LRRC7: variants seen among roughly 807,000 people sequenced by gnomAD.
The protein encoded by LRRC7 is leucine-rich repeat-containing protein 7.
LRRC7 carries 23 observed loss-of-function variants against 175.7 expected under a neutral mutation model. That is an observed-to-expected ratio of 0.13 (90% CI 0.09 to 0.19). LRRC7 has a LOEUF of 0.19. Ranked by LOEUF, LRRC7 falls within the 10% of genes least tolerant of loss-of-function variation. The pLI is 1.00. For synonymous variants in LRRC7, 685 were observed against 680.9 expected (o/e 1.01, Z -0.09); for missense variants, 1,354 against 1,904.7 (o/e 0.71, Z 5.38).
At chr1:69,657,882 C>T (rs1227611642) in intron 1 of LRRC7, among the ~76,000 whole-genome samples, 4 of 151,920 alleles carry the variant, frequency 2.6e-5, no homozygotes, top group Middle Eastern at 3.4e-3. Context: ...GAACATTTAC[C>T]AGTGAAATAA....
At chr1:70,021,846 A>G (rs1657536288) in intron 16 of LRRC7, among the ~76,000 whole-genome samples, 1 of 152,184 alleles carries the variant, frequency 6.6e-6, no homozygotes, top group Non-Finnish European at 1.5e-5. Context: ...TCACATTTTC[A>G]TGTTGGCATG....
At chr1:69,749,093 A>C (rs896836618) in intron 2 of LRRC7, among the ~76,000 whole-genome samples, 4 of 152,142 alleles carry the variant, frequency 2.6e-5, no homozygotes, top group African/African-American at 7.2e-5. Context: ...TGATGTTGTA[A>C]TTTTCTTTCT....
intron 3 of LRRC7, among the ~76,000 whole-genome samples, chr1:69,768,454 C>T (rs2100975892): frequency 6.6e-6 from 1 of 152,278 alleles, no homozygotes; most frequent in South Asian, 2.1e-4. Flanking sequence ...CTATCACCAC[C>T]ACTTATTCAG....
At chr1:69,698,482 A>G (rs1203651702) in intron 2 of LRRC7, among the ~76,000 whole-genome samples, 1 of 152,250 alleles carries the variant, frequency 6.6e-6, no homozygotes, top group African/African-American at 2.4e-5. Context: ...AACTAAATGA[A>G]TAAGAAGCTT....
chr1:69,865,279 G>A (rs1298671039), intron 7 of LRRC7, among the ~76,000 whole-genome samples: 1 of 151,878 alleles, frequency 6.6e-6, no homozygotes, highest in African/African-American at 2.4e-5. Context: ...GCCAGTATTC[G>A]TTTAAAATGT....
At chr1:70,086,173 G>C (rs938398020) in intron 24 of LRRC7, among the ~76,000 whole-genome samples, 1 of 151,832 alleles carries the variant, frequency 6.6e-6, no homozygotes, top group Non-Finnish European at 1.5e-5. Flanking sequence ...ACCCAGGCTG[G>C]AATGCAGTGG....
intron 3 of LRRC7, among the ~76,000 whole-genome samples, chr1:69,772,271 C>G (rs1394003633): frequency 6.6e-6 from 1 of 152,078 alleles, no homozygotes; most frequent in East Asian, 1.9e-4. Context: ...GTCAACCATG[C>G]AAGATCATGC....
intron 25 of LRRC7, among the ~76,000 whole-genome samples, chr1:70,103,942 C>T (rs1235971474): frequency 2.6e-5 from 4 of 152,166 alleles, no homozygotes; most frequent in South Asian, 4.1e-4. Flanking sequence ...TACATTAGTA[C>T]ATTACATAGC....
intron 1 of LRRC7, among the ~76,000 whole-genome samples, chr1:69,642,474 A>G (rs1654356442): frequency 6.6e-6 from 1 of 152,098 alleles, no homozygotes; most frequent in African/African-American, 2.4e-5. Flanking sequence ...GAGATCTATT[A>G]TAGTAAATAT....
intron 7 of LRRC7, among the ~76,000 whole-genome samples, chr1:69,928,995 T>G (rs1647184282): frequency 6.6e-6 from 1 of 152,248 alleles, no homozygotes; most frequent in Admixed American, 6.5e-5. Context: ...TCCAGGACTT[T>G]ACATTCTTCT....
At chr1:69,587,344 T>C (rs572008977) in intron 1 of LRRC7, among the ~76,000 whole-genome samples, 2 of 152,344 alleles carry the variant, frequency 1.3e-5, no homozygotes, top group African/African-American at 4.8e-5. Flanking sequence ...ATGTCTCCTG[T>C]GCCTGATTCC....
intron 2 of LRRC7, among the ~76,000 whole-genome samples, chr1:69,748,774 A>G (rs1669520131): frequency 6.6e-6 from 1 of 152,138 alleles, no homozygotes; most frequent in Non-Finnish European, 1.5e-5. Flanking sequence ...GGGTCCTTCC[A>G]AACTTGAGAG....
At chr1:69,625,635 A>G (rs1465833748) in intron 1 of LRRC7, among the ~76,000 whole-genome samples, 1 of 152,068 alleles carries the variant, frequency 6.6e-6, no homozygotes, top group Non-Finnish European at 1.5e-5. Flanking sequence ...AAGTTTGGCT[A>G]TAAATAGATT....
chr1:69,925,270 G>A (rs1394410610), intron 7 of LRRC7, among the ~76,000 whole-genome samples: 1 of 151,926 alleles, frequency 6.6e-6, no homozygotes, highest in Non-Finnish European at 1.5e-5. Flanking sequence ...TCTTTTTTGG[G>A]TGTGTCTCTG....
At chr1:70,017,258 CTG>C (rs1384887754) in intron 14 of LRRC7, among the ~76,000 whole-genome samples, 5 of 144,852 alleles carry the variant, frequency 3.5e-5, no homozygotes, top group African/African-American at 5.2e-5. Context: ...CAGCGAGACT[CTG>C]TCTCAGAAAA....
chr1:69,764,854 G>T (rs1345586397), intron 3 of LRRC7, among the ~76,000 whole-genome samples: 1 of 151,726 alleles, frequency 6.6e-6, no homozygotes, highest in African/African-American at 2.4e-5. Context: ...TTCAGTAACT[G>T]GTATTTATTA....
intron 7 of LRRC7, among the ~76,000 whole-genome samples, chr1:69,912,968 C>T (rs546395706): frequency 1.6e-4 from 25 of 151,644 alleles, no homozygotes; most frequent in Admixed American, 1.1e-3. Flanking sequence ...ATCTTTTTTT[C>T]GTATTGTGCA....
rs1166851234 is a variant in LRRC7 at position 70,144,230 on chromosome 1, A to C, written c.*22343A>C. ...ACAGATACAAAATACAGGGACTAAAATAATGCTGTGCAGTGTATAGCAGAG... is the reference window on the plus strand; with the variant it reads ...ACAGATACAAAATACAGGGACTAAACTAATGCTGTGCAGTGTATAGCAGAG... On this transcript the variant is annotated 3_prime_UTR_variant, in exon 27 of 27. Transcript: ENST00000651989. 1 of 152,216 alleles carries C rather than the reference A, an allele frequency of 6.6e-6. No homozygotes were observed. Among genetic ancestry groups the C allele is most frequent in the Non-Finnish European group, 1.5e-5 (1 of 68,034 alleles). 9.4% of individuals were successfully genotyped at this position (152,216 alleles called of 1,614,324 possible).
intron 1 of LRRC7, among the ~76,000 whole-genome samples, chr1:69,639,099 C>T (rs1390810318): frequency 2.0e-5 from 3 of 151,688 alleles, no homozygotes; most frequent in African/African-American, 7.3e-5. Context: ...AACTGATGGT[C>T]CAAACAGGAT....
Sources: allele counts gnomAD v4.1 joint callset (sites outside exome capture counted in the v4.1 genomes callset), GRCh38; gene constraint gnomAD v4.1.1; transcripts MANE v1.5; gene names NCBI Gene and HGNC (gene_info 2026-07-23, HGNC 2026-07-21).